Variants in OR2C1 observed in about 807,000 individuals in gnomAD.
OR2C1 encodes the protein olfactory receptor family 2 subfamily C member 1, also known as olfactory receptor 2C1.
For synonymous variants in OR2C1, 209 were observed against 167.3 expected (o/e 1.25, Z -1.92); for missense variants, 468 against 388.3 (o/e 1.21, Z -1.73).
the OR2C1 span, among the ~76,000 whole-genome samples, chr16:3,349,046 G>A: frequency 6.6e-6 from 1 of 152,070 alleles, no homozygotes; most frequent in Non-Finnish European, 1.5e-5. Flanking sequence ...CCCTGAGCCT[G>A]TCATGTAACC....
At chr16:3,345,064 T>C in the OR2C1 span, among the ~76,000 whole-genome samples, 4 of 152,108 alleles carry the variant, frequency 2.6e-5, no homozygotes, top group Admixed American at 2.6e-4. Context: ...AAATAAAATA[T>C]GATAGATGCA....
At chr16:3,352,912 T>C (rs934037419), upstream of OR2C1, among the ~76,000 whole-genome samples, 3 of 151,780 alleles carry the variant, frequency 2.0e-5, no homozygotes, top group African/African-American at 7.3e-5. Flanking sequence ...CGGATAATTT[T>C]TTTTTATTTT....
the OR2C1 span, among the ~76,000 whole-genome samples, chr16:3,341,595 C>A: frequency 6.6e-6 from 1 of 152,164 alleles, no homozygotes; most frequent in African/African-American, 2.4e-5. Flanking sequence ...AAGATTCAAT[C>A]ATTTTCTAGA....
upstream of OR2C1, among the ~76,000 whole-genome samples, chr16:3,351,089 A>C (rs1242322738): frequency 6.6e-6 from 1 of 151,750 alleles, no homozygotes; most frequent in Non-Finnish European, 1.5e-5. Flanking sequence ...TCAGGCAGGC[A>C]AATCTCTAAG....
the OR2C1 span, among the ~76,000 whole-genome samples, chr16:3,347,799 C>G: frequency 6.6e-6 from 1 of 151,248 alleles, no homozygotes; most frequent in Non-Finnish European, 1.5e-5. Flanking sequence ...CACACATGCA[C>G]ACACGCACGT....
chr16:3,343,075 G>C, the OR2C1 span, among the ~76,000 whole-genome samples: 2 of 152,260 alleles, frequency 1.3e-5, no homozygotes, highest in East Asian at 3.9e-4. Flanking sequence ...ATTAATGTGA[G>C]GGCAGGAGGT....
chr16:3,346,593 T>C, the OR2C1 span, among the ~76,000 whole-genome samples: 23 of 149,448 alleles, frequency 1.5e-4, no homozygotes, highest in Non-Finnish European at 1.8e-4. Flanking sequence ...TCTTTGTCAC[T>C]TAAAATATTT....
upstream of OR2C1, among the ~76,000 whole-genome samples, chr16:3,353,710 A>T (rs1033485818): frequency 6.6e-6 from 1 of 151,690 alleles, no homozygotes; most frequent in Non-Finnish European, 1.5e-5. Context: ...CTGAGGCAGG[A>T]GAATCGCTTG....
chr16:3,346,178 C>T, the OR2C1 span, among the ~76,000 whole-genome samples: 1 of 151,774 alleles, frequency 6.6e-6, no homozygotes, highest in African/African-American at 2.4e-5. Context: ...ATATTATAGA[C>T]TTTGCTTTGC....
At chr16:3,355,687 C>G (rs1045377057), upstream of OR2C1, among the ~76,000 whole-genome samples, 10 of 152,004 alleles carry the variant, frequency 6.6e-5, no homozygotes, top group Non-Finnish European at 1.2e-4. Flanking sequence ...GAGGCTGAGA[C>G]AAGAGGATTG....
downstream of OR2C1, among the ~76,000 whole-genome samples, chr16:3,357,469 G>T (rs1294455599): frequency 6.6e-6 from 1 of 152,106 alleles, no homozygotes; most frequent in African/African-American, 2.4e-5. Flanking sequence ...CAACTCCTGG[G>T]CTCAAGCAAT....
chr16:3,324,917 A>C, the OR2C1 span, among the ~76,000 whole-genome samples: 1 of 152,214 alleles, frequency 6.6e-6, no homozygotes, highest in East Asian at 1.9e-4. Flanking sequence ...TTTCCAGTAC[A>C]TATAAAAAAG....
At chr16:3,337,351 T>C in the OR2C1 span, among the ~76,000 whole-genome samples, 1 of 151,584 alleles carries the variant, frequency 6.6e-6, no homozygotes, top group Non-Finnish European at 1.5e-5. Flanking sequence ...GTATTTTTAA[T>C]AGAGACGGGG....
chr16:3,329,748 C>CTTTTTTTT, the OR2C1 span, among the ~76,000 whole-genome samples: 6 of 62,634 alleles, frequency 9.6e-5, no homozygotes, highest in African/African-American at 2.4e-4. Context: ...GGCGCCCGGC[C>CTTTTTTTT]TTTTTTTTTT....
At chr16:3,327,596 C>G in the OR2C1 span, among the ~76,000 whole-genome samples, 1 of 150,774 alleles carries the variant, frequency 6.6e-6, no homozygotes, top group Non-Finnish European at 1.5e-5. Context: ...GAGAGTGGTC[C>G]GGAAGGGATA....
chr16:3,333,211 A>ATTTTTTTTTTTTTTTT, the OR2C1 span, among the ~76,000 whole-genome samples: 13 of 65,804 alleles, frequency 2.0e-4, 1 homozygote, highest in Non-Finnish European at 2.6e-4. Flanking sequence ...TCTTTTGCCC[A>ATTTTTTTTTTTTTTTT]TTTTTTTTTT....
At chr16:3,335,901 C>A in the OR2C1 span, among the ~76,000 whole-genome samples, 1 of 151,992 alleles carries the variant, frequency 6.6e-6, no homozygotes, top group Non-Finnish European at 1.5e-5. Context: ...ATTTGGAAGC[C>A]CTTTATTTCT....
At chr16:3,348,835 C>A in the OR2C1 span, among the ~76,000 whole-genome samples, 1 of 152,210 alleles carries the variant, frequency 6.6e-6, no homozygotes, top group Non-Finnish European at 1.5e-5. Flanking sequence ...TTGCTTCTCA[C>A]AGGGTGCCCT....
chr16:3,326,001 G>A, the OR2C1 span, among the ~76,000 whole-genome samples: 1 of 149,968 alleles, frequency 6.7e-6, no homozygotes, highest in African/African-American at 2.5e-5. Context: ...TGCGATCTCG[G>A]CTCAATGCAA....
Sources: allele counts gnomAD v4.1 joint callset (sites outside exome capture counted in the v4.1 genomes callset), GRCh38; gene constraint gnomAD v4.1.1; transcripts MANE v1.5; gene names NCBI Gene and HGNC (gene_info 2026-07-23, HGNC 2026-07-21).